Variants in FIP1L1 observed in about 807,000 individuals in gnomAD.
FIP1L1 encodes pre-mRNA 3'-end-processing factor FIP1.
Under a neutral mutation model 84.6 loss-of-function variants are expected in FIP1L1, and 21 were observed. The ratio of observed to expected loss-of-function variants is 0.25; its 90% CI spans 0.18 to 0.36. FIP1L1 has a LOEUF of 0.36. Among genes scored for constraint, FIP1L1 ranks in the 10% least tolerant of loss-of-function variants. The pLI is 1.00. For synonymous variants in FIP1L1, 263 were observed against 242.3 expected, an observed-to-expected ratio of 1.09 and a Z score of -0.80; for missense variants, 526 against 751.1, an observed-to-expected ratio of 0.70 and a Z score of 3.50.
chr4:53,443,919 A>G (rs1773093982), intron 14 of FIP1L1, 129 bp from the exon 15 acceptor site: 1 of 546,394 alleles, frequency 1.8e-6, no homozygotes, highest in Non-Finnish European at 3.2e-6. Context: ...AAATTATAGA[A>G]CTAAATTATC....
intron 10 of FIP1L1, among the ~76,000 whole-genome samples, chr4:53,401,300 G>A (rs1206661759): frequency 6.6e-6 from 1 of 152,090 alleles, no homozygotes; most frequent in African/African-American, 2.4e-5. Context: ...ATTATGTAAG[G>A]GCTGTGTGCC....
At position 53,383,867 on chromosome 4, in the gene FIP1L1, C is replaced by T; in HGVS notation, c.323C>T (p.Pro108Leu). Residue 108 changes from proline to leucine, a missense_variant, in exon 5 of 18, where the codon CCA becomes CTA. This residue lies in a region of FIP1L1 where 169 missense variants were observed against 206.9 expected (regional missense o/e 0.82). Transcript: ENST00000337488. ...VTIGDIKTGAPQYGSYGTAPV... is the reference protein window; with the variant it reads ...VTIGDIKTGALQYGSYGTAPV... ...ATAGGAGACATTAAAACGGGAGCAC[C>T]ACAGTATGGGTAAGTTATTTTTTAG... is the stretch of plus-strand genomic sequence containing the variant. 1 of 1,611,810 alleles carries T rather than the reference C, an allele frequency of 6.2e-7. No individual in the cohort carries two copies. Among genetic ancestry groups the T allele is most frequent in the Non-Finnish European group, 8.5e-7 (1 of 1,179,130 alleles).
At chr4:53,456,230 T>C (rs192253527) in intron 16 of FIP1L1, among the ~76,000 whole-genome samples, 1 of 152,276 alleles carries the variant, frequency 6.6e-6, no homozygotes, top group Non-Finnish European at 1.5e-5. Context: ...GACTCATAAA[T>C]TTTCTTTGCA....
At chr4:53,383,944 A>C in intron 5 of FIP1L1, 68 bp downstream of exon 5, 1 of 1,380,218 alleles carries the variant, frequency 7.2e-7, no homozygotes, top group Non-Finnish European at 9.9e-7. Flanking sequence ...GCCTATATCA[A>C]ACTCTCAGTG....
At chr4:53,405,542 A>T (rs1002593819) in intron 10 of FIP1L1, among the ~76,000 whole-genome samples, 11 of 149,484 alleles carry the variant, frequency 7.4e-5, no homozygotes, top group African/African-American at 2.5e-4. Flanking sequence ...CAATTCTGTG[A>T]AGAAAGTCAT....
chr4:53,401,667 C>A (rs942844289), intron 10 of FIP1L1, among the ~76,000 whole-genome samples: 1 of 152,150 alleles, frequency 6.6e-6, no homozygotes, highest in African/African-American at 2.4e-5. Context: ...GGTTTTTGTT[C>A]TGATCAACTG....
intron 9 of FIP1L1, among the ~76,000 whole-genome samples, chr4:53,394,755 T>C (rs113127810): frequency 6.6e-6 from 1 of 151,756 alleles, no homozygotes; most frequent in African/African-American, 2.4e-5. Context: ...CTGTTTTTCC[T>C]TTTTTTGACT....
intron 11 of FIP1L1, among the ~76,000 whole-genome samples, chr4:53,422,547 C>T (rs890952653): frequency 6.6e-6 from 1 of 152,032 alleles, no homozygotes; most frequent in Non-Finnish European, 1.5e-5. Context: ...ACAGTGCTTA[C>T]CTTGCGCATA....
chr4:53,416,433 C>G (rs1389810324), intron 11 of FIP1L1, among the ~76,000 whole-genome samples: 3 of 152,202 alleles, frequency 2.0e-5, no homozygotes, highest in Non-Finnish European at 4.4e-5. Context: ...TTACCACAAT[C>G]GTAACATAGT....
At chr4:53,451,009 G>A (rs1337555155) in intron 15 of FIP1L1, among the ~76,000 whole-genome samples, 2 of 145,598 alleles carry the variant, frequency 1.4e-5, no homozygotes, top group East Asian at 2.0e-4. Context: ...TTGTCATGCT[G>A]GAGTGCAGTA....
In FIP1L1 at chr4:53,403,402, G is replaced by A. The variant is rs115990165; in HGVS notation, c.815+3563G>A. Reference sequence around the variant, plus strand: ...TTTAGATTGGTGTAAAAGTAATTGCGGTTTTGGACTGTGAAATTTAAATCA... The same window carrying A: ...TTTAGATTGGTGTAAAAGTAATTGCAGTTTTGGACTGTGAAATTTAAATCA... On this transcript the variant is annotated intron_variant, in intron 10 of 17. Transcript: ENST00000337488. Among the ~76,000 whole-genome samples the A allele has an allele frequency of 6.2e-3, 942 of 152,174 alleles. 11 individuals are homozygous for A. Among genetic ancestry groups the A allele is most frequent in the African/African-American group, 0.021 (877 of 41,500 alleles).
rs1373427580 is a variant in FIP1L1, at chr4:53,399,948, C to T, written c.815+109C>T. ...TGAATGTTTTACCAAAAAACTGGAA[C>T]ATTTTACTTTGGTTTAGTACAAAAT... On this transcript the variant is annotated intron_variant, in intron 10 of 17. Coordinates refer to ENST00000337488, the MANE Select transcript of FIP1L1 (RefSeq NM_030917.4). 4.2e-6 allele frequency: 3 copies of T among 720,620 alleles called. No individual in the cohort carries two copies. In the East Asian group the frequency reaches 7.7e-5, roughly 18 times the overall value. The allele number at this position is 720,620 out of a possible 1,614,324, so 44.6% of individuals were successfully genotyped here.
chr4:53,407,375 C>T (rs1281705708), intron 10 of FIP1L1, among the ~76,000 whole-genome samples: 4 of 152,228 alleles, frequency 2.6e-5, no homozygotes, highest in East Asian at 1.9e-4. Flanking sequence ...GTCTGAGAGA[C>T]AGTTTGTTAT....
intron 6 of FIP1L1, among the ~76,000 whole-genome samples, chr4:53,390,311 C>G (rs11731499): frequency 6.6e-6 from 1 of 151,950 alleles, no homozygotes; most frequent in Admixed American, 6.5e-5. Flanking sequence ...GTTTTTCTGG[C>G]AAGAGTCCAG....
chr4:53,400,738 G>T (rs1036295093), intron 10 of FIP1L1, among the ~76,000 whole-genome samples: 5 of 152,082 alleles, frequency 3.3e-5, no homozygotes, highest in Non-Finnish European at 7.4e-5. Context: ...AAATTAAATG[G>T]CATAAAGTGA....
At chr4:53,449,480 T>TA (rs1434290599) in intron 15 of FIP1L1, among the ~76,000 whole-genome samples, 2 of 152,170 alleles carry the variant, frequency 1.3e-5, no homozygotes, top group Non-Finnish European at 2.9e-5. Context: ...TGCCCATGAT[T>TA]GATTATCTTT....
chr4:53,417,742 C>CAT (rs1760244350), intron 11 of FIP1L1, among the ~76,000 whole-genome samples: 1 of 20,566 alleles, frequency 4.9e-5, no homozygotes, highest in East Asian at 1.2e-3. Context: ...TTTTTAAACA[C>CAT]ACACACACAC....
At chr4:53,419,006 TG>T (rs1168979511) in intron 11 of FIP1L1, among the ~76,000 whole-genome samples, 1 of 152,200 alleles carries the variant, frequency 6.6e-6, no homozygotes, top group Non-Finnish European at 1.5e-5. Flanking sequence ...TTTATGTTAT[TG>T]GACATATGAA....
rs1721389131 is a variant in FIP1L1, at chr4:53,459,611, T to TAA, written c.*163_*164dup. ...AAATAAAAGAGTGAATTTTTCATGT[T>TAA]AAGTTAAAAATCTTTGTCTTGTACT... On this transcript the variant is annotated 3_prime_UTR_variant, in exon 18 of 18. Coordinates refer to ENST00000337488, the MANE Select transcript of FIP1L1 (RefSeq NM_030917.4). The TAA allele has an allele frequency of 5.1e-6, 5 of 987,204 alleles. No individual in the cohort carries two copies. The highest frequency in any genetic ancestry group is 2.4e-5 in the Admixed American group (1 of 41,590). The allele number at this position is 987,204 out of a possible 1,614,324, so 61.2% of individuals were successfully genotyped here.
Sources: gnomAD v4.1 joint callset for allele counts (sites outside exome capture counted in the v4.1 genomes callset) on GRCh38, gnomAD v4.1.1 for gene constraint, gnomAD v4.1.1 regional missense constraint, MANE v1.5 for transcripts, NCBI Gene and HGNC (gene_info 2026-07-23, HGNC 2026-07-21) for gene names.